ROCK2: variants seen among roughly 807,000 people sequenced by gnomAD.
ROCK2 encodes rho-associated protein kinase 2.
A neutral mutation model predicts 195.1 loss-of-function variants in ROCK2; 61 were observed. The ratio of observed to expected loss-of-function variants is 0.31; its 90% CI spans 0.25 to 0.39. ROCK2 has a LOEUF of 0.39. ROCK2 is among the 10% of genes least tolerant of loss of function. The pLI is 1.00. For missense variants in ROCK2, 1,109 were observed against 1,637.4 expected, an observed-to-expected ratio of 0.68 and a Z score of 5.57; for synonymous variants, 504 against 545.5, an observed-to-expected ratio of 0.92 and a Z score of 1.06.
At chr2:11,240,170 T>TC (rs1371548191) in intron 4 of ROCK2, among the ~76,000 whole-genome samples, 1 of 152,078 alleles carries the variant, frequency 6.6e-6, no homozygotes, top group Non-Finnish European at 1.5e-5. Flanking sequence ...TCTCTAATCC[T>TC]CCCCCAATAC....
intron 9 of ROCK2, among the ~76,000 whole-genome samples, chr2:11,220,573 G>A (rs549154882): frequency 4.6e-5 from 7 of 152,210 alleles, no homozygotes; most frequent in South Asian, 2.1e-4. Context: ...TAGTCTCATC[G>A]AGTCCTCCAA....
intron 9 of ROCK2, among the ~76,000 whole-genome samples, chr2:11,220,470 C>T (rs1033021635): frequency 9.2e-5 from 14 of 152,138 alleles, no homozygotes; most frequent in Admixed American, 3.3e-4. Flanking sequence ...TCTAATCTTA[C>T]ATCCAATACT....
At chr2:11,244,261 A>T (rs1237909331) in intron 4 of ROCK2, among the ~76,000 whole-genome samples, 3 of 152,130 alleles carry the variant, frequency 2.0e-5, no homozygotes, top group Admixed American at 6.5e-5. Flanking sequence ...AATATCTTCA[A>T]CTTTGCCTCT....
intron 1 of ROCK2, among the ~76,000 whole-genome samples, chr2:11,291,651 T>C (rs1315369511): frequency 1.3e-5 from 2 of 152,188 alleles, no homozygotes; most frequent in East Asian, 3.8e-4. Context: ...AAAGTCTAAA[T>C]TGATAAGCAA....
intron 1 of ROCK2, among the ~76,000 whole-genome samples, chr2:11,298,171 G>A (rs1667595167): frequency 6.6e-6 from 1 of 152,012 alleles, no homozygotes; most frequent in African/African-American, 2.4e-5. Context: ...TGAACTTACT[G>A]ACAACATAAA....
chr2:11,268,480 T>G (rs1207721797), intron 3 of ROCK2, among the ~76,000 whole-genome samples: 1 of 45,966 alleles, frequency 2.2e-5, no homozygotes, highest in African/African-American at 4.2e-5. Flanking sequence ...GTGTGTGTGT[T>G]TTTTTCCTTG....
chr2:11,309,468 A>G (rs1230066896), intron 1 of ROCK2, among the ~76,000 whole-genome samples: 2 of 152,218 alleles, frequency 1.3e-5, no homozygotes, highest in African/African-American at 2.4e-5. Context: ...ACTCCCACCC[A>G]TCTTACAACC....
intron 3 of ROCK2, among the ~76,000 whole-genome samples, chr2:11,275,004 C>A (rs1666773417): frequency 6.6e-6 from 1 of 152,146 alleles, no homozygotes; most frequent in African/African-American, 2.4e-5. Flanking sequence ...TGCCTGTAAT[C>A]CCAGCACTTT....
At position 11,223,738 on chromosome 2, in the gene ROCK2, G is replaced by GA. The variant is rs530414132; in HGVS notation, c.1007+583dup. Among the ~76,000 whole-genome samples, 37 of 152,138 alleles carry GA rather than the reference G, an allele frequency of 2.4e-4. No individual in the cohort carries two copies. The East Asian group carries it at 4.0e-3, about 17-fold the overall frequency. ...ATCACAAATATAAAACGGGACATTA[G>GA]AAAAAAATGGAATGGGGTGAACAAA... On this transcript the variant is annotated intron_variant, in intron 7 of 32. Coordinates refer to ENST00000315872, the MANE Select transcript of ROCK2 (RefSeq NM_004850.5).
chr2:11,189,028 C>T (rs537213829), intron 32 of ROCK2, among the ~76,000 whole-genome samples: 3 of 150,192 alleles, frequency 2.0e-5, no homozygotes, highest in Non-Finnish European at 3.0e-5. Context: ...CAGAGTGAGA[C>T]GTCATGTCAC....
chr2:11,200,457 T>C (rs1321647915), intron 23 of ROCK2, among the ~76,000 whole-genome samples: 1 of 152,208 alleles, frequency 6.6e-6, no homozygotes, highest in Non-Finnish European at 1.5e-5. Context: ...GCCACTCCCA[T>C]CATATATACC....
intron 23 of ROCK2, among the ~76,000 whole-genome samples, chr2:11,200,189 T>C (rs1273943456): frequency 1.3e-5 from 2 of 152,236 alleles, no homozygotes; most frequent in Non-Finnish European, 2.9e-5. Context: ...ACATATACTC[T>C]AGATACAAAT....
chr2:11,258,546 G>C lies in ROCK2; in HGVS notation c.325-8748C>G, dbSNP rs141968107. The stretch of plus-strand genomic sequence containing the variant: ...AGCAACAGTGAATAAGCACAAAAGT[G>C]TAGAAAACATTTAAAAGTGTGGAGA... On this transcript the variant is annotated intron_variant, in intron 3 of 32. Coordinates refer to ENST00000315872, the MANE Select transcript of ROCK2 (RefSeq NM_004850.5). 7.3e-3 allele frequency among the ~76,000 whole-genome samples: 1,108 copies of C among 151,444 alleles called. 69 individuals carry two copies. Among genetic ancestry groups the C allele is most frequent in the African/African-American group, 0.026 (1,054 of 40,752 alleles).
At chr2:11,312,063 T>C (rs995882234) in intron 1 of ROCK2, among the ~76,000 whole-genome samples, 1 of 152,184 alleles carries the variant, frequency 6.6e-6, no homozygotes, top group Non-Finnish European at 1.5e-5. Context: ...CACTAAAGAT[T>C]TGCAAAATTA....
chr2:11,317,579 T>A (rs1356649699), intron 1 of ROCK2, among the ~76,000 whole-genome samples: 1 of 12,034 alleles, frequency 8.3e-5, no homozygotes, highest in African/African-American at 2.9e-4. Context: ...TACACATTTA[T>A]ATATATATAT....
At chr2:11,334,510 CAAAAAAAA>C (rs34182610) in intron 1 of ROCK2, among the ~76,000 whole-genome samples, 4 of 89,648 alleles carry the variant, frequency 4.5e-5, no homozygotes, top group Non-Finnish European at 8.6e-5. Context: ...GACTCTGTCT[CAAAAAAAA>C]AAAAAAAAAA....
chr2:11,326,605 T>C (rs903024453), intron 1 of ROCK2, among the ~76,000 whole-genome samples: 1 of 152,174 alleles, frequency 6.6e-6, no homozygotes, highest in African/African-American at 2.4e-5. Context: ...GACCATATCA[T>C]GCAGTAAGAA....
At chr2:11,341,663 A>G (rs924490886) in intron 1 of ROCK2, among the ~76,000 whole-genome samples, 4 of 152,180 alleles carry the variant, frequency 2.6e-5, no homozygotes, top group Non-Finnish European at 5.9e-5. Context: ...GCTTTAAATT[A>G]TATTCCTTTA....
intron 4 of ROCK2, among the ~76,000 whole-genome samples, chr2:11,236,922 A>G (rs1164351680): frequency 6.6e-6 from 1 of 152,152 alleles, no homozygotes; most frequent in Non-Finnish European, 1.5e-5. Context: ...AGGCCGAGGC[A>G]AGTGGATCAC....
Sources: gnomAD v4.1 joint callset for allele counts (sites outside exome capture counted in the v4.1 genomes callset) on GRCh38, gnomAD v4.1.1 for gene constraint, MANE v1.5 for transcripts, NCBI Gene and HGNC (gene_info 2026-07-23, HGNC 2026-07-21) for gene names.